FRMD4A: variants seen among roughly 807,000 people sequenced by gnomAD.
The protein encoded by FRMD4A is FERM domain-containing protein 4A.
In FRMD4A, 29 loss-of-function variants were observed where a neutral mutation model predicts 129.1. The ratio of observed to expected loss-of-function variants is 0.22; its 90% CI spans 0.17 to 0.31. The LOEUF (loss-of-function observed/expected upper bound fraction) is 0.31. FRMD4A is among the 10% of genes least tolerant of loss of function. The pLI is 1.00. For synonymous variants in FRMD4A, 634 were observed against 571.6 expected (o/e 1.11, Z -1.56); for missense variants, 1,272 against 1,375.8 (o/e 0.92, Z 1.19).
intron 12 of FRMD4A, among the ~76,000 whole-genome samples, chr10:13,728,400 GTC>G (rs2090063355): frequency 6.7e-6 from 1 of 150,224 alleles, no homozygotes. Context: ...CCATGGTCCT[GTC>G]TCTGTATCAT....
chr10:13,657,195 C>T lies in FRMD4A; in HGVS notation c.2394G>A (p.Ser798=). 5 of 1,523,992 alleles carry T rather than the reference C, an allele frequency of 3.3e-6. No individual in the cohort carries two copies. Among genetic ancestry groups the T allele is most frequent in the Non-Finnish European group, 4.4e-6 (5 of 1,142,320 alleles). The allele number at this position is 1,523,992 out of a possible 1,614,324, so 94.4% of individuals were successfully genotyped here. ...GCGCCGCCAGGTTGGGCATGCTGCC[C>T]GAGCTGGCTGAGCCCAGTGCGCCCG... The part of the protein sequence containing the change: ...RAAGALGSAS[S]GSMPNLAARG... Residue 798 remains serine, a synonymous_variant, in exon 22 of 25, where the codon TCG becomes TCA. Transcript: ENST00000357447.
At chr10:13,898,362 T>C in intron 2 of FRMD4A, among the ~76,000 whole-genome samples, 1 of 151,800 alleles carries the variant, frequency 6.6e-6, no homozygotes, top group Non-Finnish European at 1.5e-5. Context: ...AGAGACTCCA[T>C]CTCAAAAAAA....
intron 16 of FRMD4A, among the ~76,000 whole-genome samples, chr10:13,673,372 T>C (rs2083678135): frequency 6.6e-6 from 1 of 152,194 alleles, no homozygotes; most frequent in Non-Finnish European, 1.5e-5. Flanking sequence ...CCACGGCCCC[T>C]TGTTTCATTC....
intron 2 of FRMD4A, among the ~76,000 whole-genome samples, chr10:13,901,774 C>T (rs1254490265): frequency 1.3e-5 from 2 of 152,052 alleles, no homozygotes; most frequent in African/African-American, 4.8e-5. Flanking sequence ...GAAGTAAGAG[C>T]CCCGGGACCT....
At chr10:13,775,890 T>C (rs2092585339) in intron 6 of FRMD4A, among the ~76,000 whole-genome samples, 1 of 91,874 alleles carries the variant, frequency 1.1e-5, no homozygotes, top group Non-Finnish European at 2.7e-5. Flanking sequence ...GAAGGGTATG[T>C]AGTAACTAAA....
At position 13,651,898 on chromosome 10, in the gene FRMD4A, G is replaced by A. The variant is rs61754562; in HGVS notation, c.*2+5C>T. The A allele has an allele frequency of 7.0e-4, 1,048 of 1,489,920 alleles. 2 individuals carry two copies. The highest frequency in any genetic ancestry group is 9.5e-4 in the South Asian group (84 of 88,602). 92.3% of individuals were successfully genotyped at this position (1,489,920 alleles called of 1,614,324 possible). ...GCAGTAGGAACAAAACTCCCCTTAC[G>A]GTACCTCTATTCATCAGTACTTTGG... On this transcript the variant is annotated splice_donor_5th_base_variant and intron_variant, in intron 24 of 24. Coordinates refer to ENST00000357447, the MANE Select transcript of FRMD4A (RefSeq NM_018027.5).
At chr10:14,116,767 T>C (rs1032370065) in intron 2 of FRMD4A, among the ~76,000 whole-genome samples, 8 of 152,212 alleles carry the variant, frequency 5.3e-5, no homozygotes, top group Admixed American at 2.0e-4. Context: ...TGACATAATT[T>C]ATCTTCACCT....
At chr10:14,039,387 C>T (rs142650335) in intron 2 of FRMD4A, among the ~76,000 whole-genome samples, 8,926 of 123,788 alleles carry the variant, frequency 0.072, 465 homozygotes, top group African/African-American at 0.18. Flanking sequence ...TCCATCCATC[C>T]ATCCATCCAT....
At chr10:14,039,219 T>C (rs1434899014) in intron 2 of FRMD4A, among the ~76,000 whole-genome samples, 2 of 152,208 alleles carry the variant, frequency 1.3e-5, no homozygotes, top group Non-Finnish European at 2.9e-5. Context: ...CTTAGACTAT[T>C]TAATTGTATC....
intron 6 of FRMD4A, among the ~76,000 whole-genome samples, chr10:13,772,353 C>A (rs1422457512): frequency 6.6e-6 from 1 of 151,802 alleles, no homozygotes; most frequent in African/African-American, 2.4e-5. Context: ...ACACCAGACT[C>A]TAAGGTTAAG....
At chr10:13,726,558 G>C (rs2089909287) in intron 12 of FRMD4A, among the ~76,000 whole-genome samples, 1 of 152,186 alleles carries the variant, frequency 6.6e-6, no homozygotes, top group African/African-American at 2.4e-5. Context: ...CACCTTCAAG[G>C]CTTGTGGAAT....
intron 15 of FRMD4A, among the ~76,000 whole-genome samples, chr10:13,689,084 G>C (rs891654677): frequency 6.6e-6 from 1 of 151,486 alleles, no homozygotes; most frequent in African/African-American, 2.4e-5. Flanking sequence ...GACTTCAGTA[G>C]TTTTAAAGGT....
At chr10:13,978,012 G>A (rs1315311457) in intron 2 of FRMD4A, among the ~76,000 whole-genome samples, 9 of 152,244 alleles carry the variant, frequency 5.9e-5, no homozygotes, top group East Asian at 3.9e-4. Context: ...CACATACCTC[G>A]GAGTGGAATT....
At chr10:14,155,385 C>T (rs1002615521) in intron 2 of FRMD4A, among the ~76,000 whole-genome samples, 7 of 152,172 alleles carry the variant, frequency 4.6e-5, no homozygotes, top group African/African-American at 1.7e-4. Context: ...GTAAGAGTCA[C>T]CTTGATCCCA....
chr10:13,844,570 C>T (rs2094016410), intron 3 of FRMD4A, among the ~76,000 whole-genome samples: 1 of 152,144 alleles, frequency 6.6e-6, no homozygotes, highest in African/African-American at 2.4e-5. Flanking sequence ...GATCTATCGA[C>T]AATTTAAAAT....
At chr10:14,056,262 C>T (rs1333122481) in intron 2 of FRMD4A, among the ~76,000 whole-genome samples, 1 of 151,998 alleles carries the variant, frequency 6.6e-6, no homozygotes, top group African/African-American at 2.4e-5. Context: ...GAACTCCTGA[C>T]CTCAAGTGAT....
chr10:13,894,400 C>A (rs1397041175), intron 2 of FRMD4A, among the ~76,000 whole-genome samples: 1 of 152,204 alleles, frequency 6.6e-6, no homozygotes, highest in African/African-American at 2.4e-5. Context: ...CCAGTCTTAT[C>A]TTTTGCCACC....
At chr10:14,087,842 C>T (rs1836382058) in intron 2 of FRMD4A, among the ~76,000 whole-genome samples, 1 of 152,146 alleles carries the variant, frequency 6.6e-6, no homozygotes. Flanking sequence ...AACAACAGTG[C>T]CGTGTGCACT....
intron 2 of FRMD4A, among the ~76,000 whole-genome samples, chr10:14,162,924 CT>C (rs2131872687): frequency 1.3e-5 from 2 of 152,158 alleles, no homozygotes; most frequent in African/African-American, 4.8e-5. Context: ...TATGTAAATC[CT>C]GCTCCATTCC....
Sources: gnomAD v4.1 joint callset for allele counts (sites outside exome capture counted in the v4.1 genomes callset) on GRCh38, gnomAD v4.1.1 for gene constraint, MANE v1.5 for transcripts, NCBI Gene and HGNC (gene_info 2026-07-23, HGNC 2026-07-21) for gene names.